The following RGS18 variants were observed in gnomAD, a reference collection of about 807,000 sequenced individuals.
RGS18 encodes the protein regulator of G-protein signaling 18.
A neutral mutation model predicts 27.6 loss-of-function variants in RGS18; 22 were observed. The observed-to-expected ratio is 0.80, with a 90% confidence interval of 0.57 to 1.14. The LOEUF (loss-of-function observed/expected upper bound fraction) is 1.14, where lower values mean the gene tolerates loss of function less well. Ranked by LOEUF, RGS18 falls within the 50% of genes most tolerant of loss-of-function variation. RGS18 has a pLI of 0.00. For missense variants in RGS18, 299 were observed against 269.6 expected, an observed-to-expected ratio of 1.11 and a Z score of -0.76; for synonymous variants, 89 against 84.6, an observed-to-expected ratio of 1.05 and a Z score of -0.29.
chr1:192,173,406 GT>G (rs567085477), intron 3 of RGS18, among the ~76,000 whole-genome samples: 2 of 151,266 alleles, frequency 1.3e-5, no homozygotes, highest in African/African-American at 2.4e-5. Flanking sequence ...GTCTTTACTT[GT>G]TTTTTTTATG....
At chr1:192,169,277 T>C (rs1656215792) in intron 3 of RGS18, 1 of 152,184 alleles carries the variant, frequency 6.6e-6, no homozygotes, top group African/African-American at 2.4e-5. Flanking sequence ...TAAAAACTGA[T>C]CAATCCACGC....
rs190710219 is a variant in RGS18 at position 192,184,204 on chromosome 1, C to T, written c.451-93C>T. 49 of 1,144,444 alleles carry T rather than the reference C, an allele frequency of 4.3e-5. No homozygotes were observed. The East Asian group carries it at 9.6e-4, about 22-fold the overall frequency. The allele number at this position is 1,144,444 out of a possible 1,614,324, so 70.9% of individuals were successfully genotyped here. ...TATATCTGCTTCTAAGCCCAAGATGCCCACTCCAACATTGCATCAGTCCTG... is the reference window on the plus strand; with the variant it reads ...TATATCTGCTTCTAAGCCCAAGATGTCCACTCCAACATTGCATCAGTCCTG... On this transcript the variant is annotated intron_variant, in intron 4 of 4. Transcript: ENST00000367460.
chr1:192,181,945 A>G (rs563491113), intron 4 of RGS18, among the ~76,000 whole-genome samples: 1 of 151,630 alleles, frequency 6.6e-6, no homozygotes, highest in Non-Finnish European at 1.5e-5. Flanking sequence ...CAGATCATGT[A>G]GTATTTATTT....
intron 3 of RGS18, among the ~76,000 whole-genome samples, chr1:192,162,696 T>C (rs1416060751): frequency 6.6e-6 from 1 of 152,220 alleles, no homozygotes; most frequent in Non-Finnish European, 1.5e-5. Flanking sequence ...AGATATGCTC[T>C]TTATAGATTA....
chr1:192,182,081 A>G (rs2102161398), intron 4 of RGS18, among the ~76,000 whole-genome samples: 1 of 151,652 alleles, frequency 6.6e-6, no homozygotes, highest in Non-Finnish European at 1.5e-5. Flanking sequence ...TTTTCTTTAT[A>G]CATTCATCCT....
chr1:192,183,703 CAAAT>C (rs918336900), intron 4 of RGS18, among the ~76,000 whole-genome samples: 29 of 151,566 alleles, frequency 1.9e-4, no homozygotes, highest in African/African-American at 6.5e-4. Context: ...TGTTTACTAA[CAAAT>C]GAATGGATAA....
chr1:192,169,591 T>G (rs555113628), intron 3 of RGS18: 2 of 152,242 alleles, frequency 1.3e-5, no homozygotes, highest in South Asian at 4.1e-4. Flanking sequence ...TAACACCCAA[T>G]GGTATGCTTT....
At position 192,184,564 on chromosome 1, in the gene RGS18, A is replaced by G; in HGVS notation, c.*10A>G. On this transcript the variant is annotated 3_prime_UTR_variant, in exon 5 of 5. Coordinates refer to ENST00000367460, the MANE Select transcript of RGS18 (RefSeq NM_130782.3). ...TGCCATTTGGTTATAAAGAAAATTG[A>G]TTTTGCTCATTTTTATGACAAACTT... The G allele has an allele frequency of 1.2e-6, 2 of 1,607,256 alleles. No individual in the cohort carries two copies. The highest frequency in any genetic ancestry group is 1.7e-6 in the Non-Finnish European group (2 of 1,175,526).
intron 3 of RGS18, among the ~76,000 whole-genome samples, chr1:192,167,583 C>A (rs1258814311): frequency 2.0e-5 from 3 of 152,020 alleles, no homozygotes; most frequent in African/African-American, 4.8e-5. Flanking sequence ...CCACACCCAG[C>A]TGATTTTTTG....
chr1:192,170,301 G>A (rs369190460), intron 3 of RGS18, among the ~76,000 whole-genome samples: 14 of 152,124 alleles, frequency 9.2e-5, no homozygotes, highest in African/African-American at 3.1e-4. Context: ...TTTGGGTCAC[G>A]GAGTGAATCC....
chr1:192,180,819 T>G (rs1039980586), intron 3 of RGS18, among the ~76,000 whole-genome samples: 11 of 151,644 alleles, frequency 7.3e-5, no homozygotes, highest in Non-Finnish European at 4.4e-5. Flanking sequence ...AGTGTGTTTT[T>G]GGTAGATGGA....
rs773351340 is a variant in RGS18, at chr1:192,160,344, C to T, written c.222-34C>T. ...CAGATTCATAAACAGACTTTCTGCA[C>T]ACTCCATTATAAAACATTTTGTTTC... On this transcript the variant is annotated intron_variant, in intron 2 of 4. Coordinates refer to ENST00000367460, the MANE Select transcript of RGS18 (RefSeq NM_130782.3). 3 of 1,440,260 alleles carry T rather than the reference C, an allele frequency of 2.1e-6. No individual in the cohort carries two copies. The South Asian group carries it at 3.5e-5, about 17-fold the overall frequency. 89.2% of individuals were successfully genotyped at this position (1,440,260 alleles called of 1,614,324 possible).
intron 3 of RGS18, among the ~76,000 whole-genome samples, chr1:192,166,738 T>A (rs1391468457): frequency 1.3e-5 from 2 of 152,168 alleles, no homozygotes; most frequent in Admixed American, 6.5e-5. Context: ...CTGTAATAGA[T>A]GCGAAATAGA....
At chr1:192,168,608 C>T (rs1265806674) in intron 3 of RGS18, 1 of 152,148 alleles carries the variant, frequency 6.6e-6, no homozygotes, top group Non-Finnish European at 1.5e-5. Flanking sequence ...ATGTTATTTT[C>T]TGGAAGACTT....
intron 3 of RGS18, among the ~76,000 whole-genome samples, chr1:192,171,520 A>G (rs1280826099): frequency 1.3e-5 from 2 of 152,206 alleles, no homozygotes; most frequent in Non-Finnish European, 2.9e-5. Flanking sequence ...TCCGTTGCTC[A>G]TGGTAAATTT....
rs755323766 is a variant in RGS18, at chr1:192,160,430, T to G, written c.274T>G (p.Ser92Ala). ...GGGTGAATCATTTGACAAACTGCTT[T>G]CCCATAGAGGTTAGTGGTACTTTCA... is the stretch of plus-strand genomic sequence containing the variant. ...KWGESFDKLL[S>A]HRDGLEAFTR... The change falls in exon 3 of 5, where the codon TCC becomes GCC. Residue 92 changes from serine (S) to alanine (A), a missense_variant. Transcript: ENST00000367460. 1.1e-5 allele frequency: 17 copies of G among 1,610,154 alleles called. No individual in the cohort carries two copies. The South Asian group carries it at 1.9e-4, about 18-fold the overall frequency.
At chr1:192,158,914 A>G (rs1049472374) in intron 1 of RGS18, among the ~76,000 whole-genome samples, 158 bp downstream of exon 1, 1 of 152,178 alleles carries the variant, frequency 6.6e-6, no homozygotes. Flanking sequence ...CTTAGGTTTA[A>G]ACAACAAACT....
chr1:192,172,564 AC>A (rs1271163293), intron 3 of RGS18, among the ~76,000 whole-genome samples: 1 of 151,798 alleles, frequency 6.6e-6, no homozygotes, highest in Admixed American at 6.6e-5. Context: ...AGACTAAGAC[AC>A]CCACCTTCCA....
rs758940898 is a variant in RGS18, at chr1:192,172,884, A to ATATATATATAT, written c.284-8408_284-8407insTATATATATAT. Among the ~76,000 whole-genome samples the ATATATATATAT allele has an allele frequency of 3.3e-4, 32 of 97,510 alleles. 1 individual carries two copies. Among genetic ancestry groups the ATATATATATAT allele is most frequent in the East Asian group, 1.1e-3 (2 of 1,828 alleles). 64.0% of individuals were successfully genotyped at this position (97,510 alleles called of 152,430 possible). A position where few individuals can be genotyped will look rare whatever the true frequency, so the allele number is the denominator to read the frequency against. On this transcript the variant is annotated intron_variant, in intron 3 of 4. Transcript: ENST00000367460. ...ATATGCATATATATATATATATATA[A>ATATATATATAT]ATATATATATATACACATATGTATA...
Sources: gnomAD v4.1 joint callset for allele counts (sites outside exome capture counted in the v4.1 genomes callset) on GRCh38, gnomAD v4.1.1 for gene constraint, MANE v1.5 for transcripts, NCBI Gene and HGNC (gene_info 2026-07-23, HGNC 2026-07-21) for gene names.